MYL11: variants seen among roughly 807,000 people sequenced by gnomAD.
MYL11 encodes myosin regulatory light chain 11.
At chr16:30,377,545 T>G in the MYL11 span, 2 of 1,176,656 alleles carry the variant, frequency 1.7e-6, no homozygotes, top group South Asian at 2.2e-5. Context: ...GGAAGTAGAG[T>G]GACCTGGGTT....
the MYL11 span, chr16:30,377,790 C>T: frequency 2.5e-6 from 4 of 1,613,838 alleles, no homozygotes; most frequent in Non-Finnish European, 3.4e-6. Flanking sequence ...CTACGTCTTT[C>T]CCCAGATCAA....
the MYL11 span, chr16:30,376,725 G>A: frequency 1.2e-6 from 2 of 1,601,982 alleles, no homozygotes; most frequent in Non-Finnish European, 1.7e-6. Context: ...CCACCCTTCC[G>A]ACCCTTCCCC....
At chr16:30,374,917 C>T in the MYL11 span, 14 of 1,588,538 alleles carry the variant, frequency 8.8e-6, no homozygotes, top group African/African-American at 1.9e-4. Context: ...GGCAGCCTCA[C>T]CCTTTGAAAG....
chr16:30,375,004 A>G, the MYL11 span: 7 of 1,116,520 alleles, frequency 6.3e-6, no homozygotes, highest in Non-Finnish European at 8.9e-6. Flanking sequence ...TGGAAAACAG[A>G]CTGTGTGATG....
the MYL11 span, chr16:30,375,760 G>GC: frequency 1.2e-5 from 16 of 1,390,816 alleles, no homozygotes; most frequent in African/African-American, 1.3e-4. Flanking sequence ...TTAATCCATT[G>GC]CCCCCAGAGA....
At chr16:30,373,555 C>T in the MYL11 span, among the ~76,000 whole-genome samples, 6 of 150,332 alleles carry the variant, frequency 4.0e-5, no homozygotes, top group Non-Finnish European at 8.9e-5. Flanking sequence ...AAGATCACGC[C>T]ACTGCACTCC....
chr16:30,376,539 G>A, the MYL11 span: 2 of 1,613,968 alleles, frequency 1.2e-6, no homozygotes, highest in African/African-American at 1.3e-5. Flanking sequence ...TGAGTGGAGT[G>A]TCCTGGGTCC....
the MYL11 span, chr16:30,376,669 T>C: frequency 8.1e-6 from 13 of 1,613,934 alleles, no homozygotes; most frequent in African/African-American, 2.7e-5. Context: ...TCTTGGACCC[T>C]GAGGGAAAGG....
At chr16:30,377,763 G>A in the MYL11 span, 1 of 1,611,180 alleles carries the variant, frequency 6.2e-7, no homozygotes, top group South Asian at 1.1e-5. Flanking sequence ...GAGACTAAGG[G>A]CCTGTGCGAG....
At chr16:30,374,543 A>G in the MYL11 span, among the ~76,000 whole-genome samples, 1 of 151,844 alleles carries the variant, frequency 6.6e-6, no homozygotes, top group South Asian at 2.1e-4. Flanking sequence ...TCCCCTCTAA[A>G]CTCTGGCACA....
the MYL11 span, chr16:30,376,210 C>T: frequency 1.2e-5 from 19 of 1,613,872 alleles, no homozygotes; most frequent in African/African-American, 2.7e-5. Flanking sequence ...GGGACACCTT[C>T]GCAGCCATGG....
chr16:30,376,425 C>A, the MYL11 span: 29 of 1,612,160 alleles, frequency 1.8e-5, no homozygotes, highest in Non-Finnish European at 2.4e-5. Flanking sequence ...CCCTCCAGGC[C>A]GCCTCAATGT....
At chr16:30,374,317 A>AG in the MYL11 span, among the ~76,000 whole-genome samples, 7 of 151,540 alleles carry the variant, frequency 4.6e-5, no homozygotes, top group African/African-American at 1.7e-4. Flanking sequence ...ACTGTCTAAA[A>AG]AAAAAAAAAA....
chr16:30,372,720 T>C, the MYL11 span, among the ~76,000 whole-genome samples: 2 of 147,630 alleles, frequency 1.4e-5, no homozygotes, highest in Non-Finnish European at 3.0e-5. Flanking sequence ...AGAGAAAATA[T>C]TCTAGACTCA....
the MYL11 span, among the ~76,000 whole-genome samples, chr16:30,373,415 G>A: frequency 0.031 from 4,732 of 152,268 alleles, 233 homozygotes; most frequent in African/African-American, 0.11. Flanking sequence ...CTAACGCGGG[G>A]AAACCCCGTC....
the MYL11 span, among the ~76,000 whole-genome samples, chr16:30,375,166 T>C: frequency 1.3e-5 from 2 of 152,060 alleles, no homozygotes; most frequent in African/African-American, 4.8e-5. Flanking sequence ...ATTTTACAAA[T>C]GAGAAAGTAG....
the MYL11 span, chr16:30,375,883 G>A: frequency 5.0e-6 from 8 of 1,614,038 alleles, no homozygotes; most frequent in East Asian, 8.9e-5. Flanking sequence ...CTCCATGTTC[G>A]ACCAGACTCA....
At chr16:30,377,823 C>T in the MYL11 span, 2 of 1,614,144 alleles carry the variant, frequency 1.2e-6, no homozygotes, top group Non-Finnish European at 1.7e-6. Context: ...GGCCTTCCCC[C>T]CCGACGTGGG....
At chr16:30,376,083 G>C in the MYL11 span, 3 of 1,570,200 alleles carry the variant, frequency 1.9e-6, no homozygotes, top group African/African-American at 4.0e-5. Flanking sequence ...GATCCTCCTG[G>C]GGTAGGGATG....
Sources: gnomAD v4.1 joint callset for allele counts (sites outside exome capture counted in the v4.1 genomes callset) on GRCh38, gnomAD v4.1.1 for gene constraint, MANE v1.5 for transcripts, NCBI Gene and HGNC (gene_info 2026-07-23, HGNC 2026-07-21) for gene names.